PAX5: variants seen among roughly 807,000 people sequenced by gnomAD.
PAX5 encodes the protein paired box 5.
In PAX5, 9 loss-of-function variants were observed where a neutral mutation model predicts 43.7. The ratio of observed to expected loss-of-function variants is 0.21; its 90% CI spans 0.12 to 0.36. The LOEUF (loss-of-function observed/expected upper bound fraction) is 0.36. Among genes scored for constraint, PAX5 ranks in the 10% least tolerant of loss-of-function variants. The pLI is 1.00. For synonymous variants in PAX5, 228 were observed against 214.3 expected (o/e 1.06, Z -0.56); for missense variants, 383 against 532.7 (o/e 0.72, Z 2.77).
Position 36,951,155 on chromosome 9 carries a change from C to T in PAX5, c.780+15394G>A, listed in dbSNP as rs181165875. Among the ~76,000 whole-genome samples the T allele has an allele frequency of 3.3e-5, 5 of 152,236 alleles. No individual in the cohort carries two copies. In the East Asian group the frequency reaches 9.6e-4, roughly 29 times the overall value. ...GTAAGTAGGGGGCAGGATAAATGGG[C>T]ATTCATGGAAGTATTCCTTCCAGGA... On this transcript the variant is annotated intron_variant, in intron 6 of 9. Transcript: ENST00000358127.
chr9:36,937,679 A>G (rs1831677846), intron 6 of PAX5, among the ~76,000 whole-genome samples: 1 of 152,142 alleles, frequency 6.6e-6, no homozygotes, highest in Admixed American at 6.5e-5. Flanking sequence ...TCTCTCCTCC[A>G]GTTCCTGTCT....
At chr9:36,898,574 A>G (rs1278221441) in intron 7 of PAX5, among the ~76,000 whole-genome samples, 10 of 152,194 alleles carry the variant, frequency 6.6e-5, no homozygotes, top group African/African-American at 2.4e-4. Flanking sequence ...CATGCAATCA[A>G]ACAGCTTCTT....
chr9:36,870,087 A>AATGG (rs1354073391), intron 8 of PAX5, among the ~76,000 whole-genome samples: 4 of 6,902 alleles, frequency 5.8e-4, no homozygotes, highest in African/African-American at 8.5e-4. Context: ...TGGATGGATA[A>AATGG]ATGGATGGAT....
chr9:36,987,690 G>T (rs1836553270), intron 5 of PAX5, among the ~76,000 whole-genome samples: 1 of 152,212 alleles, frequency 6.6e-6, no homozygotes, highest in African/African-American at 2.4e-5. Context: ...ACTGGGGTCT[G>T]CTGGAAGATG....
chr9:36,934,553 CAAAATA>C (rs1831390409), intron 6 of PAX5, among the ~76,000 whole-genome samples: 1 of 152,136 alleles, frequency 6.6e-6, no homozygotes, highest in Non-Finnish European at 1.5e-5. Flanking sequence ...ACAGTTATCT[CAAAATA>C]AAAAGTTTAA....
chr9:36,980,761 G>A (rs1404192910), intron 5 of PAX5, among the ~76,000 whole-genome samples: 3 of 152,138 alleles, frequency 2.0e-5, no homozygotes, highest in Non-Finnish European at 2.9e-5. Context: ...GGCAGGTTCG[G>A]GAGGTGATTA....
chr9:36,961,296 T>A (rs1833954989), intron 6 of PAX5, among the ~76,000 whole-genome samples: 1 of 152,186 alleles, frequency 6.6e-6, no homozygotes, highest in Non-Finnish European at 1.5e-5. Context: ...TTCTAGTGGT[T>A]TTCTCTGTTA....
intron 7 of PAX5, among the ~76,000 whole-genome samples, chr9:36,888,181 G>A (rs1181533291): frequency 1.3e-5 from 2 of 152,220 alleles, no homozygotes; most frequent in African/African-American, 4.8e-5. Flanking sequence ...TGGTAGGAAT[G>A]TAAAATGGTA....
At position 37,024,823 on chromosome 9, in the gene PAX5, A is replaced by G. The variant is rs1013916282; in HGVS notation, c.47-4022T>C. 2.6e-5 allele frequency among the ~76,000 whole-genome samples: 4 copies of G among 152,162 alleles called. No individual in the cohort carries two copies. In the South Asian group the frequency reaches 8.3e-4, roughly 32 times the overall value. On this transcript the variant is annotated intron_variant, in intron 1 of 9. Coordinates refer to ENST00000358127, the MANE Select transcript of PAX5 (RefSeq NM_016734.3). Reference sequence around the variant, plus strand: ...CACCAGGTCTGATGCTATCTCCCCAAGGGCTAGGGCACAACCTCTGGGCCA... The same window carrying G: ...CACCAGGTCTGATGCTATCTCCCCAGGGGCTAGGGCACAACCTCTGGGCCA...
intron 8 of PAX5, among the ~76,000 whole-genome samples, chr9:36,862,016 T>A (rs1824263959): frequency 6.6e-6 from 1 of 152,140 alleles, no homozygotes; most frequent in Non-Finnish European, 1.5e-5. Context: ...CCAGGCCATG[T>A]GGCTATGCAA....
intron 7 of PAX5, among the ~76,000 whole-genome samples, chr9:36,898,792 G>A (rs981862813): frequency 8.5e-5 from 13 of 152,218 alleles, no homozygotes; most frequent in African/African-American, 2.9e-4. Context: ...CTCTGGGGGC[G>A]GCCCTGGGCA....
intron 9 of PAX5, among the ~76,000 whole-genome samples, chr9:36,841,266 C>G (rs1005589472): frequency 6.6e-6 from 1 of 152,262 alleles, no homozygotes; most frequent in African/African-American, 2.4e-5. Context: ...AGCACATCCT[C>G]TGTGCCTGGC....
chr9:37,026,898 G>C lies in PAX5; in HGVS notation c.47-6097C>G, dbSNP rs555353278. ...GGCCAAGGCGCCCGCGGCTTCGGGG[G>C]CATAGCGTAGGGGCCCGCCTCCGGG... On this transcript the variant is annotated intron_variant, in intron 1 of 9. Transcript: ENST00000358127. Among the ~76,000 whole-genome samples, 437 of 152,332 alleles carry C rather than the reference G, an allele frequency of 2.9e-3. 1 individual carries two copies. Among genetic ancestry groups the C allele is most frequent in the Middle Eastern group, 0.01 (3 of 294 alleles).
rs1189641214 is a variant in PAX5 at position 36,966,703 on chromosome 9, G to A, written c.626C>T (p.Pro209Leu). 27 of 1,614,014 alleles carry A rather than the reference G, an allele frequency of 1.7e-5. No homozygotes were observed. Among genetic ancestry groups the A allele is most frequent in the East Asian group, 4.5e-5 (2 of 44,894 alleles). Residue 209 changes from proline to leucine, a missense_variant, in exon 6 of 10, where the codon CCG becomes CTG. Pro to Leu is a moderately conservative substitution (Grantham distance 98, BLOSUM62 -3). Coordinates refer to ENST00000358127, the MANE Select transcript of PAX5 (RefSeq NM_016734.3). ...RDEGIQESPV[P>L]NGHSLPGRDF... ...TCTGCCCGGAAGCGAGTGGCCGTTC[G>A]GCACCGGAGACTCCTGAATACCTTT...
Position 36,835,387 on chromosome 9 carries a change from C to T in PAX5, c.*5173G>A, listed in dbSNP as rs763750026. The T allele has an allele frequency of 4.3e-6, 1 of 232,794 alleles. No individual in the cohort carries two copies. The highest frequency in any genetic ancestry group is 2.2e-5 in the African/African-American group (1 of 45,320). 14.4% of individuals were successfully genotyped at this position (232,794 alleles called of 1,614,324 possible). A position where few individuals can be genotyped will look rare whatever the true frequency, so the allele number is the denominator to read the frequency against. On this transcript the variant is annotated 3_prime_UTR_variant, in exon 10 of 10. Transcript: ENST00000358127. ...CAGCTCATTTCAGAGAAGCTGTTGC[C>T]TCATCAGGGGAGCAGGCAGGCAAGG...
At chr9:36,842,393 G>A (rs909916499) in intron 9 of PAX5, among the ~76,000 whole-genome samples, 6 of 152,078 alleles carry the variant, frequency 3.9e-5, no homozygotes, top group African/African-American at 1.2e-4. Context: ...GACAGGAAAC[G>A]GAAGTAGAGT....
intron 7 of PAX5, among the ~76,000 whole-genome samples, chr9:36,890,837 G>T (rs1216969862): frequency 2.6e-5 from 4 of 152,154 alleles, no homozygotes; most frequent in Non-Finnish European, 5.9e-5. Context: ...GTCTGCAAAT[G>T]AAATAAAATC....
chr9:36,924,719 A>G (rs1259556703), intron 6 of PAX5, among the ~76,000 whole-genome samples: 1 of 52,310 alleles, frequency 1.9e-5, no homozygotes, highest in Non-Finnish European at 4.6e-5. Context: ...GACTCTGTCA[A>G]AAAAAAGAAA....
At chr9:36,996,290 A>G (rs1195540117) in intron 5 of PAX5, among the ~76,000 whole-genome samples, 1 of 152,196 alleles carries the variant, frequency 6.6e-6, no homozygotes, top group Non-Finnish European at 1.5e-5. Flanking sequence ...CTGTCACTTC[A>G]CTTCATTTTA....
Sources: allele counts gnomAD v4.1 joint callset (sites outside exome capture counted in the v4.1 genomes callset), GRCh38; gene constraint gnomAD v4.1.1; transcripts MANE v1.5; gene names NCBI Gene and HGNC (gene_info 2026-07-23, HGNC 2026-07-21).